KCNK10: variants seen among roughly 807,000 people sequenced by gnomAD.
KCNK10 encodes potassium channel subfamily K member 10.
KCNK10 carries 25 observed loss-of-function variants against 47.7 expected under a neutral mutation model. The observed-to-expected ratio is 0.52, with a 90% CI of 0.38 to 0.73. KCNK10 has a LOEUF of 0.73. Among genes scored for constraint, KCNK10 ranks in the 30% least tolerant of loss-of-function variants. The pLI, the probability that KCNK10 is intolerant of heterozygous loss-of-function variation, is 0.00. For missense variants in KCNK10, 563 were observed against 714.5 expected, an observed-to-expected ratio of 0.79 and a Z score of 2.42; for synonymous variants, 303 against 285.6, an observed-to-expected ratio of 1.06 and a Z score of -0.61.
chr14:88,227,558 G>A, intron 3 of KCNK10, 23 bp from the exon 4 acceptor site: 1 of 1,569,878 alleles, frequency 6.4e-7, no homozygotes. Flanking sequence ...ATGAAAAAGA[G>A]GGAGAGTGGC....
chr14:88,315,391 C>T (rs1327941599), intron 1 of KCNK10, among the ~76,000 whole-genome samples: 1 of 152,100 alleles, frequency 6.6e-6, no homozygotes, highest in Non-Finnish European at 1.5e-5. Context: ...GCTTTTCCTC[C>T]CATCAATTTT....
chr14:88,202,000 T>A (rs1157415880), intron 4 of KCNK10, among the ~76,000 whole-genome samples: 1 of 152,194 alleles, frequency 6.6e-6, no homozygotes, highest in African/African-American at 2.4e-5. Flanking sequence ...GTATTCTCTT[T>A]AAAATGCAGT....
intron 1 of KCNK10, among the ~76,000 whole-genome samples, chr14:88,299,564 G>A (rs1199851517): frequency 1.3e-5 from 2 of 152,180 alleles, no homozygotes; most frequent in African/African-American, 4.8e-5. Context: ...TCCCAAAAGT[G>A]TAGCACATGA....
chr14:88,263,502 G>A lies in KCNK10; in HGVS notation c.102C>T (p.Asn34=), dbSNP rs747542447. ...TCGGAGCCGGAGCCGGGGGTTGCCC[G>A]TTAGTGGCGCTCTTGGGCTGGCACA... is the stretch of plus-strand genomic sequence containing the variant. ...APVCQPKSAT[N]GQPPAPAPTP... Residue 34 remains asparagine, a synonymous_variant, in exon 2 of 7, where the codon AAC becomes AAT. Transcript: ENST00000319231. The A allele has an allele frequency of 1.1e-5, 17 of 1,613,284 alleles. No homozygotes were observed. Among genetic ancestry groups the A allele is most frequent in the African/African-American group, 8.0e-5 (6 of 74,946 alleles).
At chr14:88,226,095 T>C (rs1885975161) in intron 4 of KCNK10, among the ~76,000 whole-genome samples, 1 of 152,242 alleles carries the variant, frequency 6.6e-6, no homozygotes. Context: ...CTGGGCTCTA[T>C]ATGTCTGCCC....
intron 1 of KCNK10, among the ~76,000 whole-genome samples, chr14:88,274,394 T>C (rs1236171100): frequency 6.6e-6 from 1 of 151,554 alleles, no homozygotes; most frequent in Non-Finnish European, 1.5e-5. Context: ...AAACCCTGTC[T>C]CTACTAAAAA....
chr14:88,219,651 G>C (rs759537704), intron 4 of KCNK10, among the ~76,000 whole-genome samples: 1 of 152,098 alleles, frequency 6.6e-6, no homozygotes, highest in South Asian at 2.1e-4. Flanking sequence ...CAACTTCTTC[G>C]CTAACAGAAT....
At chr14:88,314,488 T>A (rs905919627) in intron 1 of KCNK10, among the ~76,000 whole-genome samples, 1 of 152,236 alleles carries the variant, frequency 6.6e-6, no homozygotes, top group Non-Finnish European at 1.5e-5. Flanking sequence ...TATGATACAC[T>A]GCTAATAAAA....
At chr14:88,236,729 C>T (rs1391197042) in intron 3 of KCNK10, among the ~76,000 whole-genome samples, 2 of 152,228 alleles carry the variant, frequency 1.3e-5, no homozygotes, top group Non-Finnish European at 2.9e-5. Context: ...TGTTTACACT[C>T]TACTACAGTC....
Position 88,241,694 on chromosome 14 carries a change from C to T in KCNK10, c.403-874G>A, listed in dbSNP as rs189173452. ...TGACATGTTCCCTGTACTTATGTAC[C>T]TGTGCCCTCCCACAAACGGTGCCCA... is the stretch of plus-strand genomic sequence containing the variant. On this transcript the variant is annotated intron_variant, in intron 2 of 6. Coordinates refer to ENST00000319231, the MANE Select transcript of KCNK10 (RefSeq NM_138317.3). Among the ~76,000 whole-genome samples, 5 of 152,332 alleles carry T rather than the reference C, an allele frequency of 3.3e-5. No homozygotes were observed. In the East Asian group the frequency reaches 9.6e-4, roughly 29 times the overall value.
intron 1 of KCNK10, among the ~76,000 whole-genome samples, chr14:88,265,279 T>C (rs1287260146): frequency 1.3e-5 from 2 of 152,050 alleles, no homozygotes; most frequent in African/African-American, 4.8e-5. Flanking sequence ...GGGGATGATC[T>C]TGGATTATAT....
chr14:88,301,283 CATCATT>C (rs1467410409), intron 1 of KCNK10, among the ~76,000 whole-genome samples: 2 of 152,142 alleles, frequency 1.3e-5, no homozygotes, highest in Non-Finnish European at 2.9e-5. Context: ...TCATCATCAT[CATCATT>C]ATCATTATCT....
At chr14:88,211,546 A>G (rs1046446506) in intron 4 of KCNK10, among the ~76,000 whole-genome samples, 5 of 152,200 alleles carry the variant, frequency 3.3e-5, no homozygotes, top group African/African-American at 1.2e-4. Flanking sequence ...AGGCATAAAG[A>G]AAATCTTGAA....
intron 1 of KCNK10, among the ~76,000 whole-genome samples, chr14:88,283,691 C>T (rs1887700532): frequency 6.6e-6 from 1 of 152,152 alleles, no homozygotes; most frequent in South Asian, 2.1e-4. Context: ...GCAGGTGGAT[C>T]ACGAGGTCAA....
intron 1 of KCNK10, among the ~76,000 whole-genome samples, chr14:88,264,730 C>T (rs1342717550): frequency 6.6e-6 from 1 of 152,216 alleles, no homozygotes; most frequent in African/African-American, 2.4e-5. Context: ...AATAAAATCA[C>T]TCCATGTTAA....
upstream of KCNK10, chr14:88,326,624 G>A: frequency 1.7e-6 from 1 of 600,954 alleles, no homozygotes; most frequent in East Asian, 2.9e-5. Flanking sequence ...CCGGCCCCCA[G>A]CAGGAGACCC....
At chr14:88,236,616 T>C (rs1475977869) in intron 3 of KCNK10, among the ~76,000 whole-genome samples, 2 of 152,214 alleles carry the variant, frequency 1.3e-5, no homozygotes, top group African/African-American at 4.8e-5. Context: ...TACCCTGAGG[T>C]TATACAGGCA....
At chr14:88,296,769 C>G (rs11623975) in intron 1 of KCNK10, among the ~76,000 whole-genome samples, 42,603 of 152,090 alleles carry the variant, frequency 0.28, 6,915 homozygotes, top group Non-Finnish European at 0.36. Flanking sequence ...TCCTAGTGTC[C>G]CTGGACCAAC....
intron 1 of KCNK10, among the ~76,000 whole-genome samples, chr14:88,319,823 T>A (rs1459609839): frequency 6.6e-6 from 1 of 152,228 alleles, no homozygotes; most frequent in Non-Finnish European, 1.5e-5. Context: ...CAGATTCTAA[T>A]CTTGTCCTAC....
Sources: allele counts gnomAD v4.1 joint callset (sites outside exome capture counted in the v4.1 genomes callset), GRCh38; gene constraint gnomAD v4.1.1; transcripts MANE v1.5; gene names NCBI Gene and HGNC (gene_info 2026-07-23, HGNC 2026-07-21).